NKAIN2: variants seen among roughly 807,000 people sequenced by gnomAD.
The protein encoded by NKAIN2 is sodium/potassium-transporting ATPase subunit beta-1-interacting protein 2.
NKAIN2 carries 14 observed loss-of-function variants against 32.6 expected under a neutral mutation model. The observed-to-expected ratio is 0.43, with a 90% CI of 0.28 to 0.67. NKAIN2 has a LOEUF of 0.67. Among genes scored for constraint, NKAIN2 ranks in the 30% least tolerant of loss-of-function variants. The pLI is 0.17. For missense variants in NKAIN2, 198 were observed against 258.3 expected, an observed-to-expected ratio of 0.77 and a Z score of 1.60; for synonymous variants, 80 against 87.2, an observed-to-expected ratio of 0.92 and a Z score of 0.46.
chr6:124,799,941 A>G (rs1263772712), intron 5 of NKAIN2, among the ~76,000 whole-genome samples: 1 of 152,190 alleles, frequency 6.6e-6, no homozygotes, highest in Non-Finnish European at 1.5e-5. Context: ...TAATGGCATG[A>G]GAAAGAAAGC....
At chr6:124,768,398 C>T (rs1778603520) in intron 4 of NKAIN2, among the ~76,000 whole-genome samples, 1 of 152,138 alleles carries the variant, frequency 6.6e-6, no homozygotes, top group Admixed American at 6.6e-5. Context: ...GCCATCTCAG[C>T]TAAGTTCTTA....
intron 1 of NKAIN2, among the ~76,000 whole-genome samples, chr6:124,162,741 G>C (rs539266601): frequency 7.6e-4 from 115 of 152,206 alleles, no homozygotes; most frequent in African/African-American, 2.7e-3. Flanking sequence ...GTGAGAGCCA[G>C]ACATTGCCTG....
chr6:124,539,687 G>T (rs193130327), intron 3 of NKAIN2, among the ~76,000 whole-genome samples: 99 of 152,216 alleles, frequency 6.5e-4, no homozygotes, highest in Non-Finnish European at 1.2e-3. Context: ...AAGCCATGTT[G>T]TAATCAACCT....
intron 4 of NKAIN2, among the ~76,000 whole-genome samples, chr6:124,682,310 T>C (rs1181148067): frequency 6.6e-6 from 1 of 152,122 alleles, no homozygotes; most frequent in Non-Finnish European, 1.5e-5. Context: ...GACCTTGTAG[T>C]CATAAGTTAG....
chr6:123,882,705 A>G (rs910962997), intron 1 of NKAIN2, among the ~76,000 whole-genome samples: 5 of 152,198 alleles, frequency 3.3e-5, no homozygotes, highest in African/African-American at 1.2e-4. Flanking sequence ...AGATTTGATA[A>G]CTGGAATTTT....
chr6:124,582,901 C>T (rs915278479), intron 3 of NKAIN2, among the ~76,000 whole-genome samples: 1 of 152,008 alleles, frequency 6.6e-6, no homozygotes, highest in Admixed American at 6.6e-5. Context: ...GCTGAAAAAG[C>T]ACTTGATAAA....
intron 1 of NKAIN2, among the ~76,000 whole-genome samples, chr6:124,169,721 C>A (rs1384989424): frequency 1.3e-5 from 2 of 152,034 alleles, no homozygotes; most frequent in African/African-American, 4.8e-5. Context: ...AATGGAAAAT[C>A]TTATCTCCAT....
intron 1 of NKAIN2, among the ~76,000 whole-genome samples, chr6:124,170,115 A>G (rs1788771779): frequency 6.6e-6 from 1 of 152,052 alleles, no homozygotes; most frequent in Non-Finnish European, 1.5e-5. Flanking sequence ...ATTCCTGTAA[A>G]TCCTCACCAG....
intron 1 of NKAIN2, among the ~76,000 whole-genome samples, chr6:124,233,804 C>T (rs541902891): frequency 6.6e-6 from 1 of 152,250 alleles, no homozygotes; most frequent in South Asian, 2.1e-4. Context: ...AGAATGAAAT[C>T]TTCTAAAGCT....
At chr6:124,441,802 AC>A (rs1222490680) in intron 3 of NKAIN2, among the ~76,000 whole-genome samples, 1 of 151,946 alleles carries the variant, frequency 6.6e-6, no homozygotes, top group African/African-American at 2.4e-5. Context: ...TAGAATTACT[AC>A]CCCTTCTAGG....
At chr6:124,799,899 T>C (rs1014288274) in intron 5 of NKAIN2, among the ~76,000 whole-genome samples, 1 of 152,156 alleles carries the variant, frequency 6.6e-6, no homozygotes, top group African/African-American at 2.4e-5. Flanking sequence ...CTGGACTAGC[T>C]ACCTCACCAT....
chr6:124,074,273 A>C (rs999225673), intron 1 of NKAIN2, among the ~76,000 whole-genome samples: 3 of 152,152 alleles, frequency 2.0e-5, no homozygotes, highest in Non-Finnish European at 2.9e-5. Context: ...CATGTACCAG[A>C]ATTTCAAACT....
intron 1 of NKAIN2, among the ~76,000 whole-genome samples, chr6:123,842,466 C>T (rs933132396): frequency 1.3e-5 from 2 of 152,130 alleles, no homozygotes; most frequent in African/African-American, 2.4e-5. Context: ...TAACCTTTAT[C>T]ATCTCCTCAG....
At chr6:124,614,684 C>CAA (rs1782816848) in intron 3 of NKAIN2, among the ~76,000 whole-genome samples, 4 of 144,640 alleles carry the variant, frequency 2.8e-5, no homozygotes, top group South Asian at 2.1e-4. Flanking sequence ...ATGTTGGTCC[C>CAA]AAAGACCCCC....
chr6:124,382,716 T>C (rs1369971863), intron 3 of NKAIN2, among the ~76,000 whole-genome samples: 1 of 152,206 alleles, frequency 6.6e-6, no homozygotes, highest in African/African-American at 2.4e-5. Context: ...ATATAATTAA[T>C]GCACTGTCTC....
chr6:124,818,599 G>T (rs896559173), intron 6 of NKAIN2, 131 bp downstream of exon 6: 9 of 446,734 alleles, frequency 2.0e-5, no homozygotes, highest in Middle Eastern at 4.8e-4. Context: ...TATTAATATT[G>T]TCTTGGCTGG....
At chr6:124,515,865 C>T (rs7752662) in intron 3 of NKAIN2, among the ~76,000 whole-genome samples, 37,879 of 149,922 alleles carry the variant, frequency 0.25, 5,726 homozygotes, top group Middle Eastern at 0.37. Flanking sequence ...CTGATTGCCT[C>T]TACCTTTAGC....
At chr6:124,360,656 T>A (rs1038365088) in intron 3 of NKAIN2, among the ~76,000 whole-genome samples, 4 of 152,092 alleles carry the variant, frequency 2.6e-5, no homozygotes, top group African/African-American at 9.7e-5. Flanking sequence ...CATAGTTAAA[T>A]TAACAAAATG....
At chr6:124,501,016 A>G (rs1778270139) in intron 3 of NKAIN2, among the ~76,000 whole-genome samples, 1 of 152,230 alleles carries the variant, frequency 6.6e-6, no homozygotes, top group Non-Finnish European at 1.5e-5. Flanking sequence ...CTTCTTTAAC[A>G]AGCAGTGCGG....
Sources: allele counts gnomAD v4.1 joint callset (sites outside exome capture counted in the v4.1 genomes callset), GRCh38; gene constraint gnomAD v4.1.1; transcripts MANE v1.5; gene names NCBI Gene and HGNC (gene_info 2026-07-23, HGNC 2026-07-21).